CNTNAP2: variants seen among roughly 807,000 people sequenced by gnomAD.
CNTNAP2 encodes contactin associated protein 2.
A neutral mutation model predicts 155.2 loss-of-function variants in CNTNAP2; 98 were observed. That is an observed-to-expected ratio of 0.63 (90% CI 0.54 to 0.75). The LOEUF (loss-of-function observed/expected upper bound fraction) is 0.75. Ranked by LOEUF, CNTNAP2 falls within the 30% of genes least tolerant of loss-of-function variation. The pLI, the probability that CNTNAP2 is intolerant of heterozygous loss-of-function variation, is 0.00. For missense variants in CNTNAP2, 1,727 were observed against 1,688.1 expected, an observed-to-expected ratio of 1.02 and a Z score of -0.40; for synonymous variants, 651 against 631.2, an observed-to-expected ratio of 1.03 and a Z score of -0.47.
rs908905455 is a variant in CNTNAP2 at position 147,503,499 on chromosome 7, G to A, written c.1777+17458G>A. On this transcript the variant is annotated intron_variant, in intron 11 of 23. Coordinates refer to ENST00000361727, the MANE Select transcript of CNTNAP2 (RefSeq NM_014141.6). ...TGCCACACCTGCTCCTGTCCAGCAC[G>A]GAGCTCCCTGTGTCCCCTGTGCTTT... is the stretch of plus-strand genomic sequence containing the variant. Among the ~76,000 whole-genome samples, 10 of 152,000 alleles carry A rather than the reference G, an allele frequency of 6.6e-5. No individual in the cohort carries two copies. The East Asian group carries it at 1.2e-3, about 18-fold the overall frequency.
chr7:147,984,266 A>G (rs1370541130), intron 15 of CNTNAP2, among the ~76,000 whole-genome samples: 1 of 152,124 alleles, frequency 6.6e-6, no homozygotes. Flanking sequence ...TGTAACCTGT[A>G]TCTTGTGCCA....
intron 1 of CNTNAP2, 136 bp downstream of exon 1, chr7:146,117,109 C>CA: frequency 2.7e-6 from 2 of 730,982 alleles, no homozygotes; most frequent in Non-Finnish European, 4.7e-6. Flanking sequence ...CACACACTTG[C>CA]AGCCACTGCA....
intron 2 of CNTNAP2, among the ~76,000 whole-genome samples, chr7:146,824,133 G>T (rs1195280001): frequency 6.6e-6 from 1 of 152,060 alleles, no homozygotes; most frequent in Admixed American, 6.6e-5. Context: ...GAGAACATGT[G>T]GTGTTTGGTT....
intron 18 of CNTNAP2, among the ~76,000 whole-genome samples, chr7:148,185,705 TG>T (rs899203541): frequency 1.3e-5 from 2 of 152,240 alleles, no homozygotes; most frequent in Non-Finnish European, 2.9e-5. Flanking sequence ...TGAAGTAATT[TG>T]ATTTAAATCC....
intron 14 of CNTNAP2, among the ~76,000 whole-genome samples, chr7:147,975,784 C>A (rs973811828): frequency 1.3e-5 from 2 of 152,106 alleles, no homozygotes; most frequent in Non-Finnish European, 2.9e-5. Context: ...GGTCCCTTCC[C>A]AAACCCCTTG....
At chr7:147,043,030 T>TC (rs1799288849) in intron 3 of CNTNAP2, among the ~76,000 whole-genome samples, 1 of 152,056 alleles carries the variant, frequency 6.6e-6, no homozygotes, top group South Asian at 2.1e-4. Context: ...AATTATATCT[T>TC]CTAAAATATA....
At chr7:147,943,128 G>A (rs539786449) in intron 14 of CNTNAP2, among the ~76,000 whole-genome samples, 17 of 152,184 alleles carry the variant, frequency 1.1e-4, no homozygotes, top group Admixed American at 3.3e-4. Flanking sequence ...CTTTCTTATG[G>A]CAACCAGAAG....
chr7:146,141,010 T>C (rs966211878), intron 1 of CNTNAP2, among the ~76,000 whole-genome samples: 16 of 152,300 alleles, frequency 1.1e-4, no homozygotes, highest in Admixed American at 5.2e-4. Context: ...AATTTCTGAA[T>C]CTGGAAACAA....
At chr7:146,987,994 C>T (rs1399191441) in intron 3 of CNTNAP2, among the ~76,000 whole-genome samples, 1 of 152,000 alleles carries the variant, frequency 6.6e-6, no homozygotes, top group African/African-American at 2.4e-5. Flanking sequence ...ATCCAAATTC[C>T]CGTAACTCTA....
At chr7:146,556,822 A>G (rs1296543308) in intron 1 of CNTNAP2, among the ~76,000 whole-genome samples, 1 of 151,278 alleles carries the variant, frequency 6.6e-6, no homozygotes, top group African/African-American at 2.5e-5. Flanking sequence ...AGCTGGCACT[A>G]TTTAGTAAAT....
At chr7:148,308,180 T>A (rs1797523716) in intron 21 of CNTNAP2, among the ~76,000 whole-genome samples, 1 of 152,216 alleles carries the variant, frequency 6.6e-6, no homozygotes, top group African/African-American at 2.4e-5. Context: ...GCAGTGAATT[T>A]TCTTCTTGCT....
At chr7:147,265,220 G>A (rs1368037993) in intron 8 of CNTNAP2, among the ~76,000 whole-genome samples, 7 of 152,034 alleles carry the variant, frequency 4.6e-5, no homozygotes, top group African/African-American at 7.2e-5. Flanking sequence ...TTAAGTTCTC[G>A]GATACATGTG....
chr7:147,422,866 G>T (rs1486475142), intron 10 of CNTNAP2, among the ~76,000 whole-genome samples: 1 of 151,996 alleles, frequency 6.6e-6, no homozygotes, highest in Non-Finnish European at 1.5e-5. Context: ...TGTTATTATT[G>T]CTTTGGAGCC....
chr7:146,992,731 C>G (rs1346383380), intron 3 of CNTNAP2, among the ~76,000 whole-genome samples: 1 of 152,074 alleles, frequency 6.6e-6, no homozygotes, highest in East Asian at 1.9e-4. Context: ...AACCAACTAT[C>G]TAACATAACT....
chr7:147,798,674 G>C (rs537530286), intron 13 of CNTNAP2, among the ~76,000 whole-genome samples: 2 of 152,274 alleles, frequency 1.3e-5, no homozygotes, highest in African/African-American at 4.8e-5. Context: ...TTATTGGCTA[G>C]AATTGGGTCA....
chr7:147,375,872 A>T (rs1796424936), intron 9 of CNTNAP2, among the ~76,000 whole-genome samples: 1 of 152,046 alleles, frequency 6.6e-6, no homozygotes, highest in Non-Finnish European at 1.5e-5. Flanking sequence ...AGGAAGCAGA[A>T]CTATAATCAA....
At chr7:147,278,409 A>G (rs1361415456) in intron 8 of CNTNAP2, among the ~76,000 whole-genome samples, 2 of 151,748 alleles carry the variant, frequency 1.3e-5, no homozygotes. Context: ...TATTTTCTCT[A>G]TCATCCACAG....
intron 3 of CNTNAP2, among the ~76,000 whole-genome samples, chr7:146,945,374 G>A (rs1797142549): frequency 6.6e-6 from 1 of 152,082 alleles, no homozygotes; most frequent in Non-Finnish European, 1.5e-5. Context: ...GTCTCAACCC[G>A]GGAATATCCA....
chr7:147,642,247 C>A (rs73164397), intron 13 of CNTNAP2, among the ~76,000 whole-genome samples: 11,728 of 152,060 alleles, frequency 0.077, 482 homozygotes, highest in African/African-American at 0.096. Context: ...AGCAAAAGAA[C>A]CTTGGTACTC....
Sources: gnomAD v4.1 joint callset for allele counts (sites outside exome capture counted in the v4.1 genomes callset) on GRCh38, gnomAD v4.1.1 for gene constraint, MANE v1.5 for transcripts, NCBI Gene and HGNC (gene_info 2026-07-23, HGNC 2026-07-21) for gene names.